The following PLEKHA7 variants were observed in gnomAD, a reference collection of about 807,000 sequenced individuals.
The protein encoded by PLEKHA7 is pleckstrin homology domain-containing family A member 7.
A neutral mutation model predicts 170.0 loss-of-function variants in PLEKHA7; 104 were observed. The ratio of observed to expected loss-of-function variants is 0.61; its 90% CI spans 0.52 to 0.72. The LOEUF (loss-of-function observed/expected upper bound fraction) is 0.72, where lower values mean the gene tolerates loss of function less well. Among genes scored for constraint, PLEKHA7 ranks in the 30% least tolerant of loss-of-function variants. The pLI is 0.00. For synonymous variants in PLEKHA7, 648 were observed against 660.8 expected (o/e 0.98, Z 0.30); for missense variants, 1,615 against 1,671.7 (o/e 0.97, Z 0.59).
chr11:16,927,498 T>C (rs1386274937), intron 3 of PLEKHA7, among the ~76,000 whole-genome samples: 3 of 152,048 alleles, frequency 2.0e-5, no homozygotes, highest in Admixed American at 6.6e-5. Context: ...CCAGCACTTA[T>C]CATCTCTAGC....
At chr11:16,885,225 G>A (rs1855993087) in intron 3 of PLEKHA7, among the ~76,000 whole-genome samples, 1 of 151,990 alleles carries the variant, frequency 6.6e-6, no homozygotes, top group Admixed American at 6.6e-5. Flanking sequence ...AGCTACTCAG[G>A]AGGCTGAGGA....
rs111462700 is a variant in PLEKHA7 at position 16,816,753 on chromosome 11, C to A, written c.1866+47G>T. On this transcript the variant is annotated intron_variant, in intron 11 of 26. Transcript: ENST00000531066. The stretch of plus-strand genomic sequence containing the variant: ...TGTTCAAACCAGGCAAAGCTCCTGG[C>A]GCCCTCATGATGACCCAGCAGCCTG... 4,544 of 1,588,432 alleles carry A rather than the reference C, an allele frequency of 2.9e-3. 105 individuals carry two copies. The African/African-American group carries it at 0.05, about 17-fold the overall frequency.
intron 13 of PLEKHA7, among the ~76,000 whole-genome samples, chr11:16,810,549 C>T (rs1466398256): frequency 1.3e-5 from 2 of 152,194 alleles, no homozygotes; most frequent in Admixed American, 6.5e-5. Context: ...ACTTAGCAAC[C>T]GGGGTAGCAG....
chr11:16,817,430 T>C lies in PLEKHA7; in HGVS notation c.1344-108A>G. 1 of 1,136,404 alleles carries C rather than the reference T, an allele frequency of 8.8e-7. No homozygotes were observed. The highest frequency in any genetic ancestry group is 1.2e-6 in the Non-Finnish European group (1 of 822,686). The allele number at this position is 1,136,404 out of a possible 1,614,324, so 70.4% of individuals were successfully genotyped here. On this transcript the variant is annotated intron_variant, in intron 10 of 26. Transcript: ENST00000531066. The surrounding 1 kb of genome is among the most constrained non-coding windows in gnomAD (Gnocchi z 4.4). ...AAGCTGGGCATGTGGGACAGTCCTGTAAGAACCTCAAAAGAATGATCAAGG... is the reference window on the plus strand; with the variant it reads ...AAGCTGGGCATGTGGGACAGTCCTGCAAGAACCTCAAAAGAATGATCAAGG...
intron 3 of PLEKHA7, among the ~76,000 whole-genome samples, chr11:16,940,809 G>C (rs1378346821): frequency 1.3e-5 from 2 of 151,990 alleles, no homozygotes; most frequent in Non-Finnish European, 2.9e-5. Flanking sequence ...CAAACAAAAG[G>C]GGAGGAGTGA....
chr11:16,794,620 G>A lies in PLEKHA7; in HGVS notation c.2613C>T (p.Ser871=). Residue 871 remains serine (S), a synonymous_variant, in exon 19 of 27, where the codon AGC becomes AGT. Transcript: ENST00000531066. The stretch of plus-strand genomic sequence containing the variant: ...GAACCTCCAGAGGGGTCCGCACAGG[G>A]CTGGTGGGAGGACTGGGCTGTGGGG... The part of the protein sequence containing the change: ...KPPPQPSPPT[S]PVRTPLEVRL... The A allele has an allele frequency of 6.2e-7, 1 of 1,613,866 alleles. No homozygotes were observed. The highest frequency in any genetic ancestry group is 8.5e-7 in the Non-Finnish European group (1 of 1,179,896).
intron 3 of PLEKHA7, among the ~76,000 whole-genome samples, chr11:16,968,527 G>A (rs1862513308): frequency 6.6e-6 from 1 of 152,162 alleles, no homozygotes; most frequent in Non-Finnish European, 1.5e-5. Flanking sequence ...AGGCCATCTG[G>A]GGTGGTTCAC....
At chr11:16,843,869 G>A (rs1281038287) in intron 8 of PLEKHA7, among the ~76,000 whole-genome samples, 1 of 152,174 alleles carries the variant, frequency 6.6e-6, no homozygotes, top group African/African-American at 2.4e-5. Flanking sequence ...CCCAGGAGGT[G>A]GAGGTTGCAA....
At chr11:16,804,856 A>G (rs756892094) in intron 13 of PLEKHA7, among the ~76,000 whole-genome samples, 65 of 151,828 alleles carry the variant, frequency 4.3e-4, no homozygotes, top group Non-Finnish European at 1.0e-4. Flanking sequence ...GCAACAATCC[A>G]CAAACAAACA....
chr11:16,818,996 G>A (rs1189013140), intron 10 of PLEKHA7, among the ~76,000 whole-genome samples: 1 of 151,464 alleles, frequency 6.6e-6, no homozygotes, highest in Non-Finnish European at 1.5e-5. Context: ...GTAGAGACAG[G>A]GTTTCACTGT....
chr11:16,824,057 A>C (rs1038823462), intron 10 of PLEKHA7, among the ~76,000 whole-genome samples: 2 of 152,232 alleles, frequency 1.3e-5, no homozygotes, highest in African/African-American at 4.8e-5. Context: ...TATAAATTAA[A>C]ACAATTGAAC....
At chr11:16,937,768 C>G (rs1021708801) in intron 3 of PLEKHA7, among the ~76,000 whole-genome samples, 1 of 152,078 alleles carries the variant, frequency 6.6e-6, no homozygotes, top group African/African-American at 2.4e-5. Flanking sequence ...ACCACCATGC[C>G]TGGCTAATTT....
At position 16,841,582 on chromosome 11, in the gene PLEKHA7, C is replaced by T. The variant is rs2135262519; in HGVS notation, c.837G>A (p.Gln279=). ...ACGATCGAGACAGCACCTGTGCAGC[C>T]TGGTTCATGGCCCTGACCCAAGCGT... The part of the protein sequence containing the change: ...DMNAWVRAMN[Q]AAQVLSRSSL... Residue 279 remains glutamine (Q), a synonymous_variant, in exon 9 of 27, where the codon CAG becomes CAA. Coordinates refer to ENST00000531066, the MANE Select transcript of PLEKHA7 (RefSeq NM_001329630.2). 1 of 1,613,920 alleles carries T rather than the reference C, an allele frequency of 6.2e-7. No homozygotes were observed. Among genetic ancestry groups the T allele is most frequent in the East Asian group, 2.2e-5 (1 of 44,890 alleles).
At chr11:16,986,608 A>T (rs1205043557) in intron 3 of PLEKHA7, among the ~76,000 whole-genome samples, 1 of 152,168 alleles carries the variant, frequency 6.6e-6, no homozygotes, top group Non-Finnish European at 1.5e-5. Context: ...TTTCACTTTC[A>T]CTTTGAGCAC....
chr11:16,782,667 C>G, intron 26 of PLEKHA7, 87 bp downstream of exon 26: 1 of 1,475,172 alleles, frequency 6.8e-7, no homozygotes, highest in South Asian at 1.3e-5. Context: ...TGGTTTTCCA[C>G]TGGCTCTGGA....
At chr11:16,958,897 C>T (rs7123200) in intron 3 of PLEKHA7, among the ~76,000 whole-genome samples, 4 of 152,104 alleles carry the variant, frequency 2.6e-5, no homozygotes, top group African/African-American at 7.2e-5. Flanking sequence ...ATGGGCAGTA[C>T]CCATTGGAAA....
intron 24 of PLEKHA7, among the ~76,000 whole-genome samples, chr11:16,784,874 G>C (rs1185824144): frequency 6.6e-6 from 1 of 152,228 alleles, no homozygotes; most frequent in Non-Finnish European, 1.5e-5. Flanking sequence ...TTAGAGATAA[G>C]GAAGAACTTT....
At chr11:16,959,633 A>G (rs1415448142) in intron 3 of PLEKHA7, among the ~76,000 whole-genome samples, 1 of 152,216 alleles carries the variant, frequency 6.6e-6, no homozygotes, top group Non-Finnish European at 1.5e-5. Context: ...GTAACAGATG[A>G]GAATAATGAA....
At chr11:16,901,703 T>C (rs534710757) in intron 3 of PLEKHA7, among the ~76,000 whole-genome samples, 1 of 152,152 alleles carries the variant, frequency 6.6e-6, no homozygotes, top group African/African-American at 2.4e-5. Context: ...ACCCCATCTC[T>C]ACAAAAAATA....
Sources: allele counts gnomAD v4.1 joint callset (sites outside exome capture counted in the v4.1 genomes callset), GRCh38; gene constraint gnomAD v4.1.1; non-coding constraint Gnocchi (gnomAD v3.1); transcripts MANE v1.5; gene names NCBI Gene and HGNC (gene_info 2026-07-23, HGNC 2026-07-21).